Variants in DCLK1 observed in about 807,000 individuals in gnomAD.
The protein encoded by DCLK1 is serine/threonine-protein kinase DCLK1.
In DCLK1, 16 loss-of-function variants were observed where a neutral mutation model predicts 86.2. The observed-to-expected ratio is 0.19, with a 90% CI of 0.13 to 0.28. The LOEUF (loss-of-function observed/expected upper bound fraction) is 0.28. Ranked by LOEUF, DCLK1 falls within the 10% of genes least tolerant of loss-of-function variation. DCLK1 has a pLI of 1.00. For missense variants in DCLK1, 590 were observed against 940.2 expected (o/e 0.63, Z 4.87); for synonymous variants, 369 against 370.5 (o/e 1.00, Z 0.05).
intron 3 of DCLK1, among the ~76,000 whole-genome samples, chr13:35,959,716 G>C (rs1878349223): frequency 1.3e-5 from 2 of 152,132 alleles, no homozygotes; most frequent in Admixed American, 1.3e-4. Context: ...CAGTACTCTT[G>C]GCTGTTTCTA....
At chr13:35,837,563 A>G (rs1869475933) in intron 7 of DCLK1, among the ~76,000 whole-genome samples, 1 of 151,986 alleles carries the variant, frequency 6.6e-6, no homozygotes, top group Non-Finnish European at 1.5e-5. Context: ...AGATGACACA[A>G]TCTTAAGGCT....
Position 36,125,680 on chromosome 13 carries a change from G to C in DCLK1, c.376+82C>G, listed in dbSNP as rs538048229. 24 of 1,520,166 alleles carry C rather than the reference G, an allele frequency of 1.6e-5. No individual in the cohort carries two copies. In the East Asian group the frequency reaches 4.8e-4, roughly 30 times the overall value. The allele number at this position is 1,520,166 out of a possible 1,614,324, so 94.2% of individuals were successfully genotyped here. On this transcript the variant is annotated intron_variant, in intron 2 of 16. Coordinates refer to ENST00000360631, the MANE Select transcript of DCLK1 (RefSeq NM_001330071.2). ...TAAGGCTGAATGTCAACTGTCAGAGGGCAAATGCGAATCGGCTACAACACT... is the reference window on the plus strand; with the variant it reads ...TAAGGCTGAATGTCAACTGTCAGAGCGCAAATGCGAATCGGCTACAACACT...
intron 4 of DCLK1, among the ~76,000 whole-genome samples, chr13:35,924,292 A>G (rs933804066): frequency 1.3e-5 from 2 of 152,028 alleles, no homozygotes; most frequent in Non-Finnish European, 2.9e-5. Flanking sequence ...CATCCAGCAG[A>G]CCGTTACAAA....
At chr13:35,857,354 T>C (rs1871122041) in intron 5 of DCLK1, among the ~76,000 whole-genome samples, 3 of 152,140 alleles carry the variant, frequency 2.0e-5, no homozygotes, top group Admixed American at 2.0e-4. Flanking sequence ...AACATACAGC[T>C]ACAGTGCATG....
chr13:35,827,515 G>A (rs1293562865), intron 10 of DCLK1, 120 bp downstream of exon 10: 4 of 1,212,346 alleles, frequency 3.3e-6, no homozygotes, highest in Middle Eastern at 2.3e-4. Context: ...CCTAATCACT[G>A]GGCCAATGTA....
At chr13:35,944,052 G>C (rs1052828695) in intron 4 of DCLK1, among the ~76,000 whole-genome samples, 1 of 152,240 alleles carries the variant, frequency 6.6e-6, no homozygotes, top group East Asian at 1.9e-4. Flanking sequence ...GTTATTTTCC[G>C]AATGTGCAAA....
intron 2 of DCLK1, among the ~76,000 whole-genome samples, chr13:36,116,492 G>A (rs1253342009): frequency 6.6e-5 from 10 of 152,070 alleles, no homozygotes; most frequent in African/African-American, 9.7e-5. Flanking sequence ...GTTCCTCCAC[G>A]AGACTCTATA....
chr13:36,103,404 TAAA>T (rs71084406), intron 3 of DCLK1, among the ~76,000 whole-genome samples: 18 of 109,068 alleles, frequency 1.7e-4, no homozygotes, highest in East Asian at 2.6e-4. Flanking sequence ...ACACCTGTCT[TAAA>T]AAAAAAAAAA....
intron 2 of DCLK1, among the ~76,000 whole-genome samples, chr13:36,121,201 G>A (rs1209264984): frequency 6.6e-6 from 1 of 152,150 alleles, no homozygotes; most frequent in Non-Finnish European, 1.5e-5. Flanking sequence ...CAGTAGTTTT[G>A]GATGTACCAG....
chr13:35,804,289 C>T (rs1203617037), intron 15 of DCLK1, among the ~76,000 whole-genome samples: 3 of 125,514 alleles, frequency 2.4e-5, no homozygotes, highest in African/African-American at 3.7e-5. Context: ...TACCACCATG[C>T]CTAGCTATTT....
intron 3 of DCLK1, among the ~76,000 whole-genome samples, chr13:36,082,171 C>T (rs539815635): frequency 6.6e-6 from 1 of 152,278 alleles, no homozygotes; most frequent in East Asian, 1.9e-4. Context: ...CCTCTTCTGA[C>T]TCTGCCATCT....
chr13:36,024,968 C>CTTTT (rs1427973007), intron 3 of DCLK1, among the ~76,000 whole-genome samples: 1 of 139,102 alleles, frequency 7.2e-6, no homozygotes, highest in African/African-American at 2.6e-5. Context: ...TCTTTTCTTT[C>CTTTT]TTTTTTTTTT....
intron 3 of DCLK1, among the ~76,000 whole-genome samples, chr13:36,051,578 A>C (rs1394242014): frequency 6.6e-6 from 1 of 152,108 alleles, no homozygotes; most frequent in Non-Finnish European, 1.5e-5. Context: ...TCTTTTGTTA[A>C]TAACCATGAC....
At chr13:36,078,595 T>C (rs1259376203) in intron 3 of DCLK1, among the ~76,000 whole-genome samples, 2 of 152,194 alleles carry the variant, frequency 1.3e-5, no homozygotes, top group African/African-American at 4.8e-5. Flanking sequence ...TTTCAGGGTG[T>C]CCAGAGGGAT....
At chr13:35,867,963 A>AAGAAAG (rs796441369) in intron 5 of DCLK1, among the ~76,000 whole-genome samples, 3 of 135,154 alleles carry the variant, frequency 2.2e-5, no homozygotes, top group African/African-American at 5.4e-5. Flanking sequence ...GAAAGAAAGA[A>AAGAAAG]AGAGAAAAAG....
intron 3 of DCLK1, among the ~76,000 whole-genome samples, chr13:36,051,720 T>C (rs752899872): frequency 1.1e-4 from 16 of 152,146 alleles, no homozygotes; most frequent in Non-Finnish European, 1.9e-4. Context: ...TTTACAGTAG[T>C]GAAAAATCAA....
At chr13:35,798,408 C>T (rs2086855149) in intron 15 of DCLK1, among the ~76,000 whole-genome samples, 2 of 152,218 alleles carry the variant, frequency 1.3e-5, no homozygotes, top group Non-Finnish European at 2.9e-5. Context: ...TCTGTAAACT[C>T]AGGAGAAGCA....
intron 3 of DCLK1, among the ~76,000 whole-genome samples, chr13:36,072,601 C>G (rs1467030987): frequency 6.6e-6 from 1 of 152,206 alleles, no homozygotes; most frequent in Non-Finnish European, 1.5e-5. Context: ...AAACTTATCA[C>G]ATCTAAAACT....
At chr13:36,131,757 C>A (rs1886368300), upstream of DCLK1, among the ~76,000 whole-genome samples, 1 of 152,156 alleles carries the variant, frequency 6.6e-6, no homozygotes, top group Admixed American at 6.5e-5. Flanking sequence ...GAAGGAGGTA[C>A]CCACACTCAT....
Sources: gnomAD v4.1 joint callset for allele counts (sites outside exome capture counted in the v4.1 genomes callset) on GRCh38, gnomAD v4.1.1 for gene constraint, MANE v1.5 for transcripts, NCBI Gene and HGNC (gene_info 2026-07-23, HGNC 2026-07-21) for gene names.